The following SHANK2 variants were observed in gnomAD, a reference collection of about 807,000 sequenced individuals.
SHANK2 encodes the protein SH3 and multiple ankyrin repeat domains protein 2.
In SHANK2, 43 loss-of-function variants were observed where a neutral mutation model predicts 133.7. The observed-to-expected ratio is 0.32, with a 90% CI of 0.25 to 0.41. The LOEUF (loss-of-function observed/expected upper bound fraction) is 0.41, where lower values mean the gene tolerates loss of function less well. Among genes scored for constraint, SHANK2 ranks in the 10% least tolerant of loss-of-function variants. SHANK2 has a pLI of 1.00. For missense variants in SHANK2, 1,994 were observed against 2,235.8 expected (o/e 0.89, Z 2.18); for synonymous variants, 1,017 against 952.8 (o/e 1.07, Z -1.24).
chr11:71,166,392 A>G lies in SHANK2; in HGVS notation c.-12-19054T>C, dbSNP rs539544188. On this transcript the variant is annotated intron_variant, in intron 2 of 25. Coordinates refer to ENST00000601538, the MANE Select transcript of SHANK2 (RefSeq NM_012309.5). ...ACTTCTTTCCAGACAGCAAGAATGC[A>G]GTGAATTCTCATACAGCAATGCAGC... is the stretch of plus-strand genomic sequence containing the variant. 3.9e-4 allele frequency among the ~76,000 whole-genome samples: 60 copies of G among 152,256 alleles called. 1 individual carries two copies. Among genetic ancestry groups the G allele is most frequent in the Admixed American group, 2.4e-3 (36 of 15,298 alleles).
chr11:70,755,549 A>AGCCCCG (rs1395034862), intron 14 of SHANK2, among the ~76,000 whole-genome samples: 1 of 152,162 alleles, frequency 6.6e-6, no homozygotes, highest in East Asian at 1.9e-4. Context: ...GCACGTCCCC[A>AGCCCCG]GCCCCGGCCC....
chr11:70,511,572 C>A (rs963185486), intron 17 of SHANK2, among the ~76,000 whole-genome samples: 1 of 152,148 alleles, frequency 6.6e-6, no homozygotes, highest in Non-Finnish European at 1.5e-5. Context: ...TGATCACTTG[C>A]CAGATTTATA....
chr11:70,620,660 C>T (rs1367678423), intron 17 of SHANK2, among the ~76,000 whole-genome samples: 1 of 152,162 alleles, frequency 6.6e-6, no homozygotes, highest in Non-Finnish European at 1.5e-5. Context: ...TATGTTGACA[C>T]ATTTGGAGAC....
chr11:71,187,239 T>C (rs1335197810), intron 2 of SHANK2, among the ~76,000 whole-genome samples: 1 of 152,172 alleles, frequency 6.6e-6, no homozygotes, highest in Non-Finnish European at 1.5e-5. Context: ...TCAGGAAAAT[T>C]TGCCAGGATG....
At chr11:71,215,599 C>T (rs1417913109) in intron 2 of SHANK2, among the ~76,000 whole-genome samples, 2 of 152,202 alleles carry the variant, frequency 1.3e-5, no homozygotes, top group East Asian at 1.9e-4. Flanking sequence ...GGCCACAGCC[C>T]CAACTGTTCC....
Position 70,768,070 on chromosome 11 carries a change from G to A in SHANK2, c.1777+30373C>T, listed in dbSNP as rs184544386. 2.8e-3 allele frequency among the ~76,000 whole-genome samples: 428 copies of A among 152,242 alleles called. 1 individual carries two copies. Among genetic ancestry groups the A allele is most frequent in the Non-Finnish European group, 2.6e-3 (178 of 68,014 alleles). ...GGCCACTTTCTAGCTGGGGTGGGGG[G>A]GCTGAGGATGTTGCTGAATTTCTTG... is the stretch of plus-strand genomic sequence containing the variant. On this transcript the variant is annotated intron_variant, in intron 14 of 25. Coordinates refer to ENST00000601538, the MANE Select transcript of SHANK2 (RefSeq NM_012309.5).
At chr11:70,918,605 A>G (rs1490823430) in intron 10 of SHANK2, among the ~76,000 whole-genome samples, 1 of 152,132 alleles carries the variant, frequency 6.6e-6, no homozygotes, top group African/African-American at 2.4e-5. Flanking sequence ...TCCTGGGTTC[A>G]AGTGATTCTC....
intron 11 of SHANK2, among the ~76,000 whole-genome samples, chr11:70,852,724 T>G (rs1590759301): frequency 6.6e-6 from 1 of 152,272 alleles, no homozygotes; most frequent in East Asian, 1.9e-4. Flanking sequence ...ATGCCTGTAG[T>G]CCCAGCTACT....
chr11:70,522,211 C>T (rs1470255194), intron 17 of SHANK2, among the ~76,000 whole-genome samples: 2 of 152,220 alleles, frequency 1.3e-5, no homozygotes, highest in African/African-American at 2.4e-5. Context: ...CCGCCATCGC[C>T]GTTTCTGCTC....
chr11:71,209,281 CTCA>C (rs1954198813), intron 2 of SHANK2, among the ~76,000 whole-genome samples: 1 of 152,194 alleles, frequency 6.6e-6, no homozygotes, highest in Non-Finnish European at 1.5e-5. Context: ...CATGATTGTT[CTCA>C]TCAAGAAATC....
At chr11:70,771,905 G>A (rs1947259219) in intron 14 of SHANK2, among the ~76,000 whole-genome samples, 1 of 152,168 alleles carries the variant, frequency 6.6e-6, no homozygotes, top group African/African-American at 2.4e-5. Context: ...ATCGCTACTG[G>A]GCCTGGGGGT....
chr11:70,690,728 G>A (rs1299512183), intron 15 of SHANK2, among the ~76,000 whole-genome samples: 2 of 123,670 alleles, frequency 1.6e-5, no homozygotes, highest in Non-Finnish European at 1.8e-5. Flanking sequence ...TATACCAAAG[G>A]GTCGAGTGAT....
intron 17 of SHANK2, among the ~76,000 whole-genome samples, chr11:70,525,663 G>A (rs1480469229): frequency 6.6e-6 from 1 of 152,038 alleles, no homozygotes; most frequent in Non-Finnish European, 1.5e-5. Context: ...AACGCCAGGG[G>A]AACGGAGCCC....
intron 17 of SHANK2, among the ~76,000 whole-genome samples, chr11:70,649,646 G>A (rs2061316264): frequency 6.6e-6 from 1 of 152,124 alleles, no homozygotes; most frequent in Admixed American, 6.5e-5. Flanking sequence ...TGGGAGGGAG[G>A]AGGGGGGCAG....
At chr11:71,225,089 G>A (rs1201373587) in intron 1 of SHANK2, among the ~76,000 whole-genome samples, 6 of 152,312 alleles carry the variant, frequency 3.9e-5, no homozygotes, top group South Asian at 2.1e-4. Flanking sequence ...CATCCCAGAC[G>A]TGGTGCTGAA....
At chr11:70,520,625 G>A (rs547669423) in intron 17 of SHANK2, among the ~76,000 whole-genome samples, 201 of 152,310 alleles carry the variant, frequency 1.3e-3, no homozygotes, top group African/African-American at 4.5e-3. Flanking sequence ...TCCACACAGT[G>A]CTCTCGAAAG....
chr11:70,942,925 A>C (rs1555084644), intron 10 of SHANK2: 1 of 453,272 alleles, frequency 2.2e-6, no homozygotes, highest in African/African-American at 2.0e-5. Flanking sequence ...TGCCAGGAGA[A>C]TAAAGATAGA....
In SHANK2 at chr11:71,175,555, A is replaced by G. The variant is rs28414230; in HGVS notation, c.-12-28217T>C. On this transcript the variant is annotated intron_variant, in intron 2 of 25. Coordinates refer to ENST00000601538, the MANE Select transcript of SHANK2 (RefSeq NM_012309.5). This position sits in a 1 kb window ranked among gnomAD's most constrained non-coding sequence, Gnocchi z 4.2. ...CAGACAGAGGGAGAGGGAGAGGGAG[A>G]GAGAGAGAGAGAGAGAGAGAGAGAG... 0.12 allele frequency among the ~76,000 whole-genome samples: 4,200 copies of G among 34,614 alleles called. 153 individuals are homozygous for G. Among genetic ancestry groups the G allele is most frequent in the African/African-American group, 0.28 (2,084 of 7,544 alleles). 22.7% of individuals were successfully genotyped at this position (34,614 alleles called of 152,430 possible). A position where few individuals can be genotyped will look rare whatever the true frequency, so the allele number is the denominator to read the frequency against.
At chr11:70,713,130 G>A (rs1389850086) in intron 14 of SHANK2, among the ~76,000 whole-genome samples, 2 of 152,226 alleles carry the variant, frequency 1.3e-5, no homozygotes, top group Non-Finnish European at 2.9e-5. Context: ...GCCCTGTCGG[G>A]CACGTGCCAG....
Sources: gnomAD v4.1 joint callset for allele counts (sites outside exome capture counted in the v4.1 genomes callset) on GRCh38, gnomAD v4.1.1 for gene constraint, Gnocchi (gnomAD v3.1) non-coding constraint, MANE v1.5 for transcripts, NCBI Gene and HGNC (gene_info 2026-07-23, HGNC 2026-07-21) for gene names.